Variants in DLEC1 observed in about 807,000 individuals in gnomAD.
The protein encoded by DLEC1 is deleted in lung and esophageal cancer protein 1.
In DLEC1, 146 loss-of-function variants were observed where a neutral mutation model predicts 198.1. The ratio of observed to expected loss-of-function variants is 0.74; its 90% CI spans 0.64 to 0.85. DLEC1 has a LOEUF of 0.85. Among genes scored for constraint, DLEC1 ranks in the 40% least tolerant of loss-of-function variants. The pLI is 0.00. For missense variants in DLEC1, 2,233 were observed against 2,220.0 expected (o/e 1.01, Z -0.12); for synonymous variants, 897 against 866.8 (o/e 1.03, Z -0.61).
At chr3:38,079,126 TG>T (rs945332260) in intron 6 of DLEC1, among the ~76,000 whole-genome samples, 2 of 151,426 alleles carry the variant, frequency 1.3e-5, no homozygotes. Context: ...TGGGTTAAGG[TG>T]GGGGAATACA....
intron 6 of DLEC1, among the ~76,000 whole-genome samples, chr3:38,083,573 C>T (rs979498867): frequency 9.9e-5 from 15 of 151,632 alleles, no homozygotes; most frequent in African/African-American, 3.6e-4. Context: ...CAAGGACCAG[C>T]CATTTACACT....
In DLEC1 at chr3:38,122,465, C is replaced by T. The variant is rs1185565046; in HGVS notation, c.*53C>T. On this transcript the variant is annotated 3_prime_UTR_variant, in exon 37 of 37. Transcript: ENST00000308059. ...CCCCAGCTGGAGAAAAAACATTGCCCAGGGATTAGGAGCAGCTCTTCAGCA... is the reference window on the plus strand; with the variant it reads ...CCCCAGCTGGAGAAAAAACATTGCCTAGGGATTAGGAGCAGCTCTTCAGCA... 42 of 1,613,618 alleles carry T rather than the reference C, an allele frequency of 2.6e-5. No homozygotes were observed. Among genetic ancestry groups the T allele is most frequent in the Non-Finnish European group, 3.6e-5 (42 of 1,179,984 alleles).
chr3:38,070,697 C>T (rs1025174186), intron 6 of DLEC1, among the ~76,000 whole-genome samples: 11 of 152,024 alleles, frequency 7.2e-5, no homozygotes, highest in Admixed American at 4.6e-4. Context: ...GAGTGGGAGT[C>T]GCAAGGTGCT....
In DLEC1 at chr3:38,123,207, CAAGTAGGATGCA is replaced by C. The variant is rs1700578660; in HGVS notation, c.*798_*809del. 2.6e-5 allele frequency: 35 copies of C among 1,341,710 alleles called. No individual in the cohort carries two copies. The South Asian group carries it at 3.5e-4, about 14-fold the overall frequency. The allele number at this position is 1,341,710 out of a possible 1,614,324, so 83.1% of individuals were successfully genotyped here. Reference sequence around the variant, plus strand: ...GGCTGACCCAGAAGGACGTCATGGACAAGTAGGATGCAAAACCATCAGACCAGATCTGTGGGC... The same window carrying C: ...GGCTGACCCAGAAGGACGTCATGGACAAACCATCAGACCAGATCTGTGGGC... On this transcript the variant is annotated 3_prime_UTR_variant, in exon 37 of 37. Transcript: ENST00000308059.
At chr3:38,104,036 C>T (rs1699442062) in intron 19 of DLEC1, among the ~76,000 whole-genome samples, 1 of 152,216 alleles carries the variant, frequency 6.6e-6, no homozygotes, top group South Asian at 2.1e-4. Flanking sequence ...CATTGATAGG[C>T]TTGCTCAATG....
intron 19 of DLEC1, among the ~76,000 whole-genome samples, chr3:38,104,495 T>C (rs552106046): frequency 5.9e-5 from 9 of 152,122 alleles, no homozygotes; most frequent in African/African-American, 1.7e-4. Context: ...TTTTTTTTTT[T>C]CTCAGTTTTG....
In DLEC1 at chr3:38,122,875, A is replaced by T; in HGVS notation, c.*463A>T. ...GTGGCTCAACACCCCACCCACTCCT[A>T]TACCATGTCATCAGTGTTCACATTT... On this transcript the variant is annotated 3_prime_UTR_variant, in exon 37 of 37. Transcript: ENST00000308059. 1.3e-6 allele frequency: 1 copy of T among 795,836 alleles called. No homozygotes were observed. The highest frequency in any genetic ancestry group is 2.0e-6 in the Non-Finnish European group (1 of 504,218). The allele number at this position is 795,836 out of a possible 1,614,324, so 49.3% of individuals were successfully genotyped here. A position where few individuals can be genotyped will look rare whatever the true frequency, so the allele number is the denominator to read the frequency against.
chr3:38,039,260 T>C lies in DLEC1; in HGVS notation c.35T>C (p.Leu12Ser), dbSNP rs747554278. The C allele has an allele frequency of 2.5e-6, 4 of 1,612,902 alleles. No individual in the cohort carries two copies. Among genetic ancestry groups the C allele is most frequent in the Non-Finnish European group, 3.4e-6 (4 of 1,179,254 alleles). The change falls in exon 1 of 37, where the codon TTA (leucine) becomes TCA (serine). Residue 12 changes from leucine to serine, a missense_variant. Physicochemically the swap from Leu to Ser is moderately radical, Grantham distance 145. Coordinates refer to ENST00000308059, the MANE Select transcript of DLEC1 (RefSeq NM_007335.4). The part of the protein sequence containing the change: ...ETRSSKTRRS[L>S]ASRTNECQGT... ...AGGAGCTCCAAAACGCGGAGGTCTT[T>C]AGCGTCCCGGACCAACGAGTGCCAG...
At chr3:38,081,898 C>A (rs1174430076) in intron 6 of DLEC1, among the ~76,000 whole-genome samples, 12 of 147,184 alleles carry the variant, frequency 8.2e-5, no homozygotes, top group Admixed American at 3.3e-4. Flanking sequence ...GGGGCTGACC[C>A]CCCCCCACCT....
At chr3:38,079,348 C>T (rs1183616617) in intron 6 of DLEC1, among the ~76,000 whole-genome samples, 3 of 152,108 alleles carry the variant, frequency 2.0e-5, no homozygotes. Context: ...GGTTTAGAAG[C>T]CTGGCTGTCA....
chr3:38,122,071 G>C lies in DLEC1; in HGVS notation c.5021G>C (p.Gly1674Ala), dbSNP rs1382694235. 1 of 1,613,856 alleles carries C rather than the reference G, an allele frequency of 6.2e-7. No homozygotes were observed. The highest frequency in any genetic ancestry group is 8.5e-7 in the Non-Finnish European group (1 of 1,179,932). ...GTGTCTTCCCTTCCCTTTGGTGCAG[G>C]CCAGCAGGAGCCAGCCAAGGCCGCT... Reference protein sequence around the residue: ...GCRSYWTMLMGQQEPAKAAVA... With the variant: ...GCRSYWTMLMAQQEPAKAAVA... Residue 1674 changes from glycine (G) to alanine (A), a missense_variant and splice_region_variant, in exon 36 of 37, where the codon GGC (glycine) becomes GCC (alanine). Transcript: ENST00000308059.
intron 2 of DLEC1, among the ~76,000 whole-genome samples, chr3:38,056,466 G>A (rs180902319): frequency 6.6e-6 from 1 of 151,984 alleles, no homozygotes; most frequent in African/African-American, 2.4e-5. Flanking sequence ...TGTGCCACGA[G>A]GCCTGGCTGA....
At chr3:38,115,153 A>T (rs1026078651) in intron 27 of DLEC1, 100 bp downstream of exon 27, 1 of 1,343,984 alleles carries the variant, frequency 7.4e-7, no homozygotes, top group African/African-American at 1.4e-5. Flanking sequence ...ATGGCCCATG[A>T]ACAGGACCCA....
At chr3:38,072,604 TG>T (rs953615496) in intron 6 of DLEC1, among the ~76,000 whole-genome samples, 31 of 152,310 alleles carry the variant, frequency 2.0e-4, no homozygotes, top group African/African-American at 6.5e-4. Flanking sequence ...TTAGGATCTA[TG>T]GGGTCAACTA....
intron 12 of DLEC1, 57 bp downstream of exon 12, chr3:38,093,824 CT>C (rs1167053458): frequency 1.9e-6 from 3 of 1,600,062 alleles, no homozygotes; most frequent in Non-Finnish European, 1.7e-6. Context: ...TTACCTGGCC[CT>C]CAGTCCCAGT....
At chr3:38,071,957 C>T (rs188631153) in intron 6 of DLEC1, among the ~76,000 whole-genome samples, 161 of 152,266 alleles carry the variant, frequency 1.1e-3, no homozygotes, top group African/African-American at 3.7e-3. Context: ...GAGTGGTAGC[C>T]TCAATGATAG....
chr3:38,067,746 T>C (rs1697100768), intron 6 of DLEC1, among the ~76,000 whole-genome samples: 1 of 144,964 alleles, frequency 6.9e-6, no homozygotes, highest in East Asian at 2.1e-4. Context: ...CAAGTGAGTA[T>C]CTGCACTTTT....
At position 38,093,573 on chromosome 3, in the gene DLEC1, C is replaced by T. The variant is rs1698851697; in HGVS notation, c.1757-32C>T. On this transcript the variant is annotated intron_variant, in intron 11 of 36. Coordinates refer to ENST00000308059, the MANE Select transcript of DLEC1 (RefSeq NM_007335.4). ...TGGCCTGATTTCAGCCCTAGTGAGCCTTCACTGACTTCACTTACTCTACTT... is the reference window on the plus strand; with the variant it reads ...TGGCCTGATTTCAGCCCTAGTGAGCTTTCACTGACTTCACTTACTCTACTT... The T allele has an allele frequency of 2.5e-6, 4 of 1,613,464 alleles. No homozygotes were observed. The African/African-American group carries it at 5.3e-5, about 22-fold the overall frequency.
intron 6 of DLEC1, among the ~76,000 whole-genome samples, chr3:38,083,645 T>A (rs1698183897): frequency 6.6e-6 from 1 of 152,214 alleles, no homozygotes; most frequent in Admixed American, 6.5e-5. Context: ...CTTTTGTGAT[T>A]CTTCAGTTAC....
Sources: gnomAD v4.1 joint callset for allele counts (sites outside exome capture counted in the v4.1 genomes callset) on GRCh38, gnomAD v4.1.1 for gene constraint, MANE v1.5 for transcripts, NCBI Gene and HGNC (gene_info 2026-07-23, HGNC 2026-07-21) for gene names.